Variants in AHDC1 observed in about 807,000 individuals in gnomAD.
AHDC1 encodes the protein transcription factor Gibbin.
A neutral mutation model predicts 87.9 loss-of-function variants in AHDC1; 7 were observed. The observed-to-expected ratio is 0.08, with a 90% confidence interval of 0.05 to 0.15. AHDC1 has a LOEUF of 0.15. Ranked by LOEUF, AHDC1 falls within the 10% of genes least tolerant of loss-of-function variation. The probability of loss-of-function intolerance (pLI) is 1.00; values close to 1 mark genes in which losing one functional copy is unlikely to be tolerated. For synonymous variants in AHDC1, 1,051 were observed against 1,006.8 expected (o/e 1.04, Z -0.83); for missense variants, 1,841 against 2,253.2 (o/e 0.82, Z 3.70).
chr1:27,541,001 TAAAAAAAAAAAAAAA>T (rs55912405), intron 8 of AHDC1, among the ~76,000 whole-genome samples: 1 of 72,368 alleles, frequency 1.4e-5, no homozygotes, highest in East Asian at 4.9e-4. Context: ...CTAAAAATGC[TAAAAAAAAAAAAAAA>T]AAAAAAAAAA....
At chr1:27,545,174 C>A (rs962791877) in intron 8 of AHDC1, among the ~76,000 whole-genome samples, 4 of 151,756 alleles carry the variant, frequency 2.6e-5, no homozygotes, top group Middle Eastern at 3.4e-3. Context: ...TACAGTGCTT[C>A]CCACAGCTGG....
At position 27,550,669 on chromosome 1, in the gene AHDC1, C is replaced by G. The variant is rs140548603; in HGVS notation, c.1447G>C (p.Val483Leu). ...RMVVKMAKIP[V>L]SLGRRNKTTY... ...GTCTTGTTCCGCCGCCCCAGCGATACGGGGATCTTGGCCATCTTCACCACC... is the reference window on the plus strand; with the variant it reads ...GTCTTGTTCCGCCGCCCCAGCGATAGGGGGATCTTGGCCATCTTCACCACC... The change falls in exon 8 of 9, where the codon GTA becomes CTA. Residue 483 changes from valine to leucine, a missense_variant. Physicochemically the swap from Val to Leu is conservative, Grantham distance 32. Coordinates refer to ENST00000673934, the MANE Select transcript of AHDC1 (RefSeq NM_001371928.1). The G allele has an allele frequency of 6.2e-7, 1 of 1,613,072 alleles. No individual in the cohort carries two copies. The highest frequency in any genetic ancestry group is 1.1e-5 in the South Asian group (1 of 90,990).
chr1:27,551,003 G>A lies in AHDC1; in HGVS notation c.1113C>T (p.His371=), dbSNP rs537816293. 1.3e-5 allele frequency: 21 copies of A among 1,571,650 alleles called. No homozygotes were observed. Among genetic ancestry groups the A allele is most frequent in the East Asian group, 6.8e-5 (3 of 44,160 alleles). Residue 371 remains histidine (H), a synonymous_variant, in exon 8 of 9, where the codon CAC becomes CAT. Coordinates refer to ENST00000673934, the MANE Select transcript of AHDC1 (RefSeq NM_001371928.1). ...EPLRLDLCSP[H]GPPGPEGHPK... ...GGTGACCCTCAGGCCCGGGGGGGCC[G>A]TGCGGTGAGCACAAGTCCAGGCGCA...
rs563490197 is a variant in AHDC1, at chr1:27,549,929, C to G, written c.2187G>C (p.Gly729=). ...GCTTCCCAGTCACAGCGTCTACCTC[C>G]CCCCGGCCCCGTTTGCGTGGGTGCC... ...ELGHPRKRGR[G]EVDAVTGKPK... The change falls in exon 8 of 9, where the codon GGG becomes GGC. Residue 729 remains glycine, a synonymous_variant. Coordinates refer to ENST00000673934, the MANE Select transcript of AHDC1 (RefSeq NM_001371928.1). The G allele has an allele frequency of 9.9e-6, 16 of 1,613,482 alleles. No individual in the cohort carries two copies. The East Asian group carries it at 2.2e-4, about 22-fold the overall frequency.
chr1:27,598,135 G>C lies in AHDC1; in HGVS notation c.-629+5262C>G, dbSNP rs969226445. Among the ~76,000 whole-genome samples the C allele has an allele frequency of 6.6e-6, 1 of 152,212 alleles. No individual in the cohort carries two copies. The highest frequency in any genetic ancestry group is 1.5e-5 in the Non-Finnish European group (1 of 68,044). Reference sequence around the variant, plus strand: ...TCCTGGCTCAGGGGGTGGGGAGGGGGTGCAGAGCTGCAGCTTCTGGAAGCT... The same window carrying C: ...TCCTGGCTCAGGGGGTGGGGAGGGGCTGCAGAGCTGCAGCTTCTGGAAGCT... On this transcript the variant is annotated intron_variant, in intron 3 of 8. Transcript: ENST00000673934. The surrounding 1 kb of genome is among the most constrained non-coding windows in gnomAD (Gnocchi z 4.2).
intron 5 of AHDC1, among the ~76,000 whole-genome samples, chr1:27,556,228 T>C: frequency 9.5e-6 from 1 of 105,330 alleles, no homozygotes; most frequent in Non-Finnish European, 1.9e-5. Flanking sequence ...CAGCCCTCCT[T>C]CCCCTCCCCC....
chr1:27,569,274 A>G (rs1057138231), intron 3 of AHDC1, among the ~76,000 whole-genome samples: 1 of 152,046 alleles, frequency 6.6e-6, no homozygotes, highest in African/African-American at 2.4e-5. Context: ...AAGGCTTGTT[A>G]AGGTTACTTT....
At chr1:27,546,585 C>T (rs1303442240) in intron 8 of AHDC1, among the ~76,000 whole-genome samples, 2 of 152,218 alleles carry the variant, frequency 1.3e-5, no homozygotes, top group African/African-American at 4.8e-5. Context: ...TGGGTCCCTA[C>T]CCCACATGCT....
Position 27,549,994 on chromosome 1 carries a change from C to T in AHDC1, c.2122G>A (p.Ala708Thr). Residue 708 changes from alanine to threonine, a missense_variant, in exon 8 of 9, where the codon GCA (alanine) becomes ACA (threonine). Physicochemically the swap from Ala to Thr is moderately conservative, Grantham distance 58 (BLOSUM62 0). Transcript: ENST00000673934. Reference sequence around the variant, plus strand: ...CCCGGGCCCCCGACCCCAGCGGCTGCCACGGCCACCACCTTCTTTTTCTTG... The same window carrying T: ...CCCGGGCCCCCGACCCCAGCGGCTGTCACGGCCACCACCTTCTTTTTCTTG... ...IGKKKKVVAV[A>T]AAGVGGPGLT... 9 of 1,599,976 alleles carry T rather than the reference C, an allele frequency of 5.6e-6. No homozygotes were observed. The highest frequency in any genetic ancestry group is 7.7e-6 in the Non-Finnish European group (9 of 1,170,986).
At chr1:27,573,622 T>A (rs2088613366) in intron 3 of AHDC1, among the ~76,000 whole-genome samples, 2 of 152,148 alleles carry the variant, frequency 1.3e-5, no homozygotes, top group African/African-American at 4.8e-5. Context: ...GGATGCTCAT[T>A]CCTGCTCCAC....
intron 5 of AHDC1, among the ~76,000 whole-genome samples, chr1:27,556,475 C>A (rs2019821405): frequency 6.6e-6 from 1 of 151,990 alleles, no homozygotes; most frequent in African/African-American, 2.4e-5. Context: ...AGGATCTGTC[C>A]CTCAGGGACT....
Position 27,550,395 on chromosome 1 carries a change from A to G in AHDC1, c.1721T>C (p.Val574Ala). ...TGGCATGGCCATGGTGGCCGCTGCC[A>G]CAGTGGCTGCCTCGGCCGCCACCAC... ...PAVVAAEAAT[V>A]AAATMAMPEV... is the part of the protein sequence containing the mutation. The change falls in exon 8 of 9, where the codon GTG becomes GCG. Residue 574 changes from valine (V) to alanine (A), a missense_variant. Physicochemically the swap from Val to Ala is moderately conservative, Grantham distance 64 (BLOSUM62 0). This residue lies in a region of AHDC1 where 84 missense variants were observed against 111.7 expected (regional missense o/e 0.75). Transcript: ENST00000673934. The G allele has an allele frequency of 6.2e-7, 1 of 1,612,334 alleles. No homozygotes were observed. Among genetic ancestry groups the G allele is most frequent in the South Asian group, 1.1e-5 (1 of 91,040 alleles).
rs1436870990 is a variant in AHDC1 at position 27,561,807 on chromosome 1, GA to G, written c.-628-2925del. 2.6e-5 allele frequency among the ~76,000 whole-genome samples: 4 copies of G among 152,120 alleles called. No individual in the cohort carries two copies. The highest frequency in any genetic ancestry group is 5.9e-5 in the Non-Finnish European group (4 of 68,024). ...AGAGAAACAGAGACAGAGAGACAGA[GA>G]AAGACAGAAACTGGAAGACGGGCAC... On this transcript the variant is annotated intron_variant, in intron 3 of 8. Coordinates refer to ENST00000673934, the MANE Select transcript of AHDC1 (RefSeq NM_001371928.1). This position sits in a 1 kb window ranked among gnomAD's most constrained non-coding sequence, Gnocchi z 4.2.
chr1:27,580,845 T>A (rs1201155450), intron 3 of AHDC1, among the ~76,000 whole-genome samples: 1 of 151,746 alleles, frequency 6.6e-6, no homozygotes, highest in Non-Finnish European at 1.5e-5. Flanking sequence ...AAACTTGGGT[T>A]TTTTTTTTGA....
chr1:27,596,396 C>T (rs567887138), intron 3 of AHDC1, among the ~76,000 whole-genome samples: 23 of 152,050 alleles, frequency 1.5e-4, no homozygotes, highest in Non-Finnish European at 2.5e-4. Context: ...ACAGTCCTCA[C>T]GGAGGCTCCT....
At chr1:27,597,914 C>T (rs1251626189) in intron 3 of AHDC1, among the ~76,000 whole-genome samples, 4 of 152,178 alleles carry the variant, frequency 2.6e-5, no homozygotes, top group Admixed American at 1.3e-4. Context: ...TTTTCTGCCT[C>T]CTCCTCTCTC....
At chr1:27,587,684 C>T (rs551666070) in intron 3 of AHDC1, among the ~76,000 whole-genome samples, 2 of 152,266 alleles carry the variant, frequency 1.3e-5, no homozygotes, top group East Asian at 3.9e-4. Context: ...CAGTACCCAG[C>T]CCTCAGAAGA....
intron 8 of AHDC1, among the ~76,000 whole-genome samples, chr1:27,541,690 T>C (rs984839876): frequency 2.7e-5 from 4 of 149,838 alleles, no homozygotes; most frequent in African/African-American, 9.9e-5. Flanking sequence ...AGTGCAGTGG[T>C]GTGATCTTGG....
intron 3 of AHDC1, among the ~76,000 whole-genome samples, chr1:27,597,425 G>A (rs747868485): frequency 1.3e-5 from 2 of 152,054 alleles, no homozygotes; most frequent in Admixed American, 6.6e-5. Context: ...AGGTGTGACC[G>A]TGGGGGCTGC....
Sources: allele counts gnomAD v4.1 joint callset (sites outside exome capture counted in the v4.1 genomes callset), GRCh38; gene constraint gnomAD v4.1.1; regional missense constraint gnomAD v4.1.1; non-coding constraint Gnocchi (gnomAD v3.1); transcripts MANE v1.5; gene names NCBI Gene and HGNC (gene_info 2026-07-23, HGNC 2026-07-21).